TBX3: variants seen among roughly 807,000 people sequenced by gnomAD.
TBX3 encodes T-box transcription factor 3, also known as T-box transcription factor TBX3.
A neutral mutation model predicts 47.8 loss-of-function variants in TBX3; 11 were observed. The ratio of observed to expected loss-of-function variants is 0.23; its 90% CI spans 0.14 to 0.38. The LOEUF (loss-of-function observed/expected upper bound fraction) is 0.38, where lower values mean the gene tolerates loss of function less well. TBX3 is among the 10% of genes least tolerant of loss of function. The pLI, the probability that TBX3 is intolerant of heterozygous loss-of-function variation, is 1.00. For synonymous variants in TBX3, 500 were observed against 449.3 expected (o/e 1.11, Z -1.43); for missense variants, 927 against 1,022.8 (o/e 0.91, Z 1.28).
chr12:114,682,918 G>A lies in TBX3; in HGVS notation c.283C>T (p.Pro95Ser), dbSNP rs143885412. Residue 95 changes from proline (P) to serine (S), a missense_variant, in exon 1 of 7, where the codon CCC becomes TCC. Pro to Ser is a moderately conservative substitution (Grantham distance 74). Transcript: ENST00000349155. ...AHLRPLKTME[P>S]EEEVEDDPKV... ...GGGTCGTCCTCCACCTCTTCTTCGGGCTCCATGGTCTTCAAAGGCCTCAGA... is the reference window on the plus strand; with the variant it reads ...GGGTCGTCCTCCACCTCTTCTTCGGACTCCATGGTCTTCAAAGGCCTCAGA... The A allele has an allele frequency of 1.6e-5, 26 of 1,614,056 alleles. No homozygotes were observed. Among genetic ancestry groups the A allele is most frequent in the Non-Finnish European group, 2.1e-5 (25 of 1,180,036 alleles).
rs1226176985 is a variant in TBX3, at chr12:114,672,078, C to T, written c.1935G>A (p.Ala645=). ...CTTTGCCGTCCAGGGGCCCCGCGGC[C>T]GCCGCCATGGAGGGCAGGGCGGTGG... ...LLTTALPSMA[A]AAGPLDGKVA... The change falls in exon 7 of 7, where the codon GCG becomes GCA. Residue 645 remains alanine, a synonymous_variant. Coordinates refer to ENST00000349155, the MANE Select transcript of TBX3 (RefSeq NM_005996.4). 18 of 1,566,692 alleles carry T rather than the reference C, an allele frequency of 1.1e-5. No individual in the cohort carries two copies. The highest frequency in any genetic ancestry group is 1.6e-5 in the Non-Finnish European group (18 of 1,156,506).
intron 2 of TBX3, chr12:114,680,561 G>C (rs1868884319): frequency 2.2e-6 from 1 of 457,772 alleles, no homozygotes; most frequent in African/African-American, 2.0e-5. Context: ...AATCCTTTAG[G>C]AATACATAGC....
chr12:114,679,170 C>A (rs151187796), intron 3 of TBX3, among the ~76,000 whole-genome samples: 35 of 152,174 alleles, frequency 2.3e-4, no homozygotes, highest in African/African-American at 8.2e-4. Flanking sequence ...CTTGATCCTT[C>A]TTCCCCAAGG....
At position 114,674,851 on chromosome 12, in the gene TBX3, GA is replaced by G; in HGVS notation, c.1040-17del. 1 of 1,559,432 alleles carries G rather than the reference GA, an allele frequency of 6.4e-7. No individual in the cohort carries two copies. Among genetic ancestry groups the G allele is most frequent in the Non-Finnish European group, 8.6e-7 (1 of 1,158,860 alleles). On this transcript the variant is annotated splice_polypyrimidine_tract_variant and intron_variant, in intron 5 of 6. Transcript: ENST00000349155. ...GGACATAAATCTACCACAGGCGAAG[GA>G]AAAAACCAAGGCAGAAGGGCGTTAT...
At position 114,674,544 on chromosome 12, in the gene TBX3, G is replaced by C. The variant is rs1377897599; in HGVS notation, c.1331C>G (p.Pro444Arg). Residue 444 changes from proline to arginine, a missense_variant, in exon 6 of 7, where the codon CCG becomes CGG. Coordinates refer to ENST00000349155, the MANE Select transcript of TBX3 (RefSeq NM_005996.4). ...RRSPVREGTA[P>R]AKVEEARALP... ...CGCGCGCGCCTCTTCCACCTTGGCCGGCGCTGTGCCCTCGCGAACCGGGCT... is the reference window on the plus strand; with the variant it reads ...CGCGCGCGCCTCTTCCACCTTGGCCCGCGCTGTGCCCTCGCGAACCGGGCT... 1 of 1,544,384 alleles carries C rather than the reference G, an allele frequency of 6.5e-7. No individual in the cohort carries two copies. Among genetic ancestry groups the C allele is most frequent in the Non-Finnish European group, 8.7e-7 (1 of 1,149,604 alleles).
In TBX3 at chr12:114,679,534, T is replaced by C. The variant is rs1372981319; in HGVS notation, c.775A>G (p.Ile259Val). 6.2e-7 allele frequency: 1 copy of C among 1,614,232 alleles called. No individual in the cohort carries two copies. Residue 259 changes from isoleucine (I) to valine (V), a missense_variant, in exon 3 of 7, where the codon ATC (isoleucine) becomes GTC (valine). Transcript: ENST00000349155. ...RTYLFPETEF[I>V]AVTAYQNDKI... ...TCATTCTGGTATGCAGTCACAGCGA[T>C]GAATTCAGTTTCGGGGAACAAGTAT...
intron 2 of TBX3, 96 bp from the exon 3 acceptor site, chr12:114,679,747 G>C: frequency 6.3e-7 from 1 of 1,580,284 alleles, no homozygotes; most frequent in South Asian, 1.1e-5. Flanking sequence ...CTTCCCCACC[G>C]CAGGGTACCA....
At chr12:114,679,418 T>C (rs1868836773) in intron 3 of TBX3, 87 bp downstream of exon 3, 4 of 1,577,822 alleles carry the variant, frequency 2.5e-6, no homozygotes, top group Non-Finnish European at 1.7e-6. Flanking sequence ...GTCTCCACTC[T>C]CTTGTAACTT....
At chr12:114,678,031 C>CACAT (rs971728538) in intron 3 of TBX3, among the ~76,000 whole-genome samples, 1 of 150,074 alleles carries the variant, frequency 6.7e-6, no homozygotes, top group African/African-American at 2.5e-5. Context: ...CACACACACA[C>CACAT]ACACACACAC....
Position 114,671,459 on chromosome 12 carries a change from C to A in TBX3, c.*382G>T, listed in dbSNP as rs191129510. On this transcript the variant is annotated 3_prime_UTR_variant, in exon 7 of 7. Coordinates refer to ENST00000349155, the MANE Select transcript of TBX3 (RefSeq NM_005996.4). ...AGATTTTGTTTTTGTTTCCACTTGA[C>A]ACAGTGAAGGAAAAATATATATATA... The A allele has an allele frequency of 6.5e-6, 2 of 308,352 alleles. No individual in the cohort carries two copies. The highest frequency in any genetic ancestry group is 4.2e-5 in the African/African-American group (2 of 47,758). 19.1% of individuals were successfully genotyped at this position (308,352 alleles called of 1,614,324 possible). A position where few individuals can be genotyped will look rare whatever the true frequency, so the allele number is the denominator to read the frequency against.
rs148511845 is a variant in TBX3 at position 114,674,642 on chromosome 12, C to T, written c.1233G>A (p.Ala411=). 60 of 1,606,822 alleles carry T rather than the reference C, an allele frequency of 3.7e-5. No homozygotes were observed. In the Middle Eastern group the frequency reaches 1.2e-3, roughly 31 times the overall value. ...RPRDSGRLDK[A]SPDSRHSPAT... is the part of the protein sequence containing the mutation. ...CGGGGCTATGGCGTGAGTCGGGCGA[C>T]GCTTTGTCCAGCCGCCCGCTGTCCC... Residue 411 remains alanine, a synonymous_variant, in exon 6 of 7, where the codon GCG becomes GCA. Transcript: ENST00000349155.
At chr12:114,676,166 T>G in intron 5 of TBX3, 147 bp downstream of exon 5, 1 of 1,040,334 alleles carries the variant, frequency 9.6e-7, no homozygotes, top group Non-Finnish European at 1.4e-6. Context: ...CTGATAGCCC[T>G]TTTTGAACTC....
At chr12:114,679,045 G>C (rs1868821913) in intron 3 of TBX3, among the ~76,000 whole-genome samples, 1 of 152,136 alleles carries the variant, frequency 6.6e-6, no homozygotes, top group African/African-American at 2.4e-5. Context: ...AACCAGACCA[G>C]CTACTCAGGA....
intron 6 of TBX3, among the ~76,000 whole-genome samples, chr12:114,672,758 A>G (rs1868505412): frequency 6.6e-6 from 1 of 152,140 alleles, no homozygotes; most frequent in Non-Finnish European, 1.5e-5. Flanking sequence ...GCCGGAGGAC[A>G]TAAATTAGTA....
In TBX3 at chr12:114,672,134, C is replaced by T. The variant is rs1245554909; in HGVS notation, c.1879G>A (p.Val627Met). Residue 627 changes from valine (V) to methionine (M), a missense_variant, in exon 7 of 7, where the codon GTG becomes ATG. By Grantham distance (21) the Val-to-Met change is conservative (BLOSUM62 1). Coordinates refer to ENST00000349155, the MANE Select transcript of TBX3 (RefSeq NM_005996.4). The part of the protein sequence containing the change: ...RLRYSPYSIP[V>M]PVPDGSSLLT... Reference sequence around the variant, plus strand: ...AGACTGCTGCCGTCCGGGACCGGCACCGGGATGGAGTAGGGGCTGTAGCGC... The same window carrying T: ...AGACTGCTGCCGTCCGGGACCGGCATCGGGATGGAGTAGGGGCTGTAGCGC... 6.4e-7 allele frequency: 1 copy of T among 1,571,924 alleles called. No individual in the cohort carries two copies. Among genetic ancestry groups the T allele is most frequent in the Non-Finnish European group, 8.6e-7 (1 of 1,158,940 alleles).
intron 3 of TBX3, among the ~76,000 whole-genome samples, chr12:114,677,875 C>A (rs748621209): frequency 2.6e-5 from 4 of 152,100 alleles, no homozygotes; most frequent in Non-Finnish European, 5.9e-5. Context: ...CAAAGAAATT[C>A]TTTTCTTTGG....
In TBX3 at chr12:114,674,346, G is replaced by A; in HGVS notation, c.1529C>T (p.Ala510Val). The change falls in exon 6 of 7, where the codon GCC (alanine) becomes GTC (valine). Residue 510 changes from alanine (A) to valine (V), a missense_variant. Transcript: ENST00000349155. ...GCCAGCGGCCGCCATGCTGGAGAAG[G>A]CGCCCCCCATGGCAAACTGGCTGGG... Reference protein sequence around the residue: ...LHPSQFAMGGAFSSMAAAGMG... With the variant: ...LHPSQFAMGGVFSSMAAAGMG... 6 of 1,559,556 alleles carry A rather than the reference G, an allele frequency of 3.8e-6. No homozygotes were observed. Among genetic ancestry groups the A allele is most frequent in the Non-Finnish European group, 5.2e-6 (6 of 1,151,858 alleles).
Position 114,671,947 on chromosome 12 carries a change from T to C in TBX3, c.2066A>G (p.Lys689Arg). Reference sequence around the variant, plus strand: ...GGCCGCCTCTTTCTCCGCGCAGAGTTTGGGCGACAAGGACATGGAGCTGGA... The same window carrying C: ...GGCCGCCTCTTTCTCCGCGCAGAGTCTGGGCGACAAGGACATGGAGCTGGA... ...LSSSSMSLSP[K>R]LCAEKEAATS... The change falls in exon 7 of 7, where the codon AAA (lysine) becomes AGA (arginine). Residue 689 changes from lysine to arginine, a missense_variant. This residue lies in a region of TBX3 where 623 missense variants were observed against 569.0 expected (regional missense o/e 1.09). Transcript: ENST00000349155. 1 of 1,596,866 alleles carries C rather than the reference T, an allele frequency of 6.3e-7. No homozygotes were observed. Among genetic ancestry groups the C allele is most frequent in the Non-Finnish European group, 8.5e-7 (1 of 1,171,794 alleles).
intron 2 of TBX3, 137 bp from the exon 3 acceptor site, chr12:114,679,788 C>A (rs936303505): frequency 4.6e-6 from 7 of 1,525,660 alleles, no homozygotes; most frequent in Admixed American, 3.4e-5. Flanking sequence ...CCTTGGAGTA[C>A]CCCCTGGGTA....
Sources: gnomAD v4.1 joint callset for allele counts (sites outside exome capture counted in the v4.1 genomes callset) on GRCh38, gnomAD v4.1.1 for gene constraint, gnomAD v4.1.1 regional missense constraint, MANE v1.5 for transcripts, NCBI Gene and HGNC (gene_info 2026-07-23, HGNC 2026-07-21) for gene names.